NOX4: variants seen among roughly 807,000 people sequenced by gnomAD.
NOX4 encodes the protein kidney oxidase-1.
Under a neutral mutation model 87.6 loss-of-function variants are expected in NOX4, and 69 were observed. That is an observed-to-expected ratio of 0.79 (90% CI 0.65 to 0.96). NOX4 has a LOEUF of 0.96. Ranked by LOEUF, NOX4 falls within the 40% of genes least tolerant of loss-of-function variation. The pLI, the probability that NOX4 is intolerant of heterozygous loss-of-function variation, is 0.00. For missense variants in NOX4, 680 were observed against 681.5 expected (o/e 1.00, Z 0.02); for synonymous variants, 275 against 238.2 (o/e 1.15, Z -1.42).
rs1039648509 is a variant in NOX4 at position 89,324,507 on chromosome 11, T to C, written c.*2249A>G. ...AAGCAAAGATGACCTATGTTTAACA[T>C]TTAACATTTGAACACCTACTGGAAC... is the stretch of plus-strand genomic sequence containing the variant. On this transcript the variant is annotated 3_prime_UTR_variant, in exon 18 of 18. Coordinates refer to ENST00000263317, the MANE Select transcript of NOX4 (RefSeq NM_016931.5). 8 of 152,162 alleles carry C rather than the reference T, an allele frequency of 5.3e-5. No individual in the cohort carries two copies. Among genetic ancestry groups the C allele is most frequent in the African/African-American group, 1.9e-4 (8 of 41,444 alleles). 9.4% of individuals were successfully genotyped at this position (152,162 alleles called of 1,614,324 possible).
intron 4 of NOX4, among the ~76,000 whole-genome samples, 184 bp downstream of exon 4, chr11:89,449,256 G>T (rs1375984391): frequency 6.6e-6 from 1 of 152,112 alleles, no homozygotes; most frequent in Non-Finnish European, 1.5e-5. Context: ...ATCTTACATT[G>T]TTCACCATTA....
chr11:89,469,338 T>C (rs1370411226), intron 2 of NOX4, among the ~76,000 whole-genome samples: 18 of 152,128 alleles, frequency 1.2e-4, no homozygotes, highest in Non-Finnish European at 1.5e-5. Context: ...AGTCAACAAT[T>C]AGGAAAACAA....
chr11:89,514,198 T>C, the NOX4 span, among the ~76,000 whole-genome samples: 2 of 152,060 alleles, frequency 1.3e-5, no homozygotes, highest in Non-Finnish European at 2.9e-5. Context: ...TATGTAGTTT[T>C]AGCTCATGAA....
At chr11:89,443,342 A>G (rs1944539453) in intron 5 of NOX4, 1 of 152,000 alleles carries the variant, frequency 6.6e-6, no homozygotes, top group Non-Finnish European at 1.5e-5. Context: ...AGGAGTGGGG[A>G]AGGTGGGGAA....
chr11:89,336,265 A>C (rs35470292), intron 16 of NOX4, among the ~76,000 whole-genome samples: 2,073 of 152,026 alleles, frequency 0.014, 17 homozygotes, highest in Middle Eastern at 0.037. Context: ...ATTCTGACAA[A>C]TGGCTAATTT....
chr11:89,339,043 A>T (rs1165583136), intron 15 of NOX4, among the ~76,000 whole-genome samples: 1 of 152,166 alleles, frequency 6.6e-6, no homozygotes, highest in African/African-American at 2.4e-5. Context: ...AGATCCTAGA[A>T]TAGTTTCAGA....
At chr11:89,348,889 A>G (rs1946329353) in intron 13 of NOX4, among the ~76,000 whole-genome samples, 1 of 152,190 alleles carries the variant, frequency 6.6e-6, no homozygotes, top group Non-Finnish European at 1.5e-5. Context: ...AAATTAGGGA[A>G]ACAGTACTAC....
the NOX4 span, among the ~76,000 whole-genome samples, chr11:89,588,072 C>A: frequency 6.6e-6 from 1 of 152,040 alleles, no homozygotes; most frequent in African/African-American, 2.4e-5. Context: ...TTGTAATTTT[C>A]TCAGTAGTGA....
intron 11 of NOX4, among the ~76,000 whole-genome samples, chr11:89,397,638 C>T (rs1941578019): frequency 6.6e-6 from 1 of 151,676 alleles, no homozygotes; most frequent in Admixed American, 6.6e-5. Flanking sequence ...GGGATATGAC[C>T]ACTGATCCCA....
At chr11:89,495,507 T>G (rs750542151), upstream of NOX4, among the ~76,000 whole-genome samples, 25 of 152,180 alleles carry the variant, frequency 1.6e-4, no homozygotes, top group Non-Finnish European at 2.6e-4. Flanking sequence ...ATAATATCCC[T>G]ATGCAGGATA....
intron 12 of NOX4, among the ~76,000 whole-genome samples, chr11:89,369,658 G>A (rs1267543586): frequency 6.6e-6 from 1 of 152,004 alleles, no homozygotes; most frequent in Non-Finnish European, 1.5e-5. Context: ...ATGAATATTT[G>A]TTATAAGCTT....
chr11:89,461,488 CA>C (rs1468131704), intron 2 of NOX4, among the ~76,000 whole-genome samples: 9 of 151,382 alleles, frequency 5.9e-5, no homozygotes, highest in Non-Finnish European at 8.8e-5. Flanking sequence ...ACTAAAAATA[CA>C]AAAAAATTGA....
intron 11 of NOX4, among the ~76,000 whole-genome samples, chr11:89,393,989 C>A (rs1233692380): frequency 6.6e-6 from 1 of 152,098 alleles, no homozygotes; most frequent in Non-Finnish European, 1.5e-5. Flanking sequence ...CCTTTTCTTC[C>A]CATCTTTGCC....
intron 8 of NOX4, among the ~76,000 whole-genome samples, chr11:89,406,087 T>C (rs1942165153): frequency 6.6e-6 from 1 of 152,172 alleles, no homozygotes; most frequent in South Asian, 2.1e-4. Context: ...TGCAATAACT[T>C]ACTTTTTCAT....
At chr11:89,438,660 C>T (rs865941212) in intron 6 of NOX4, among the ~76,000 whole-genome samples, 1 of 52,638 alleles carries the variant, frequency 1.9e-5, no homozygotes, top group Non-Finnish European at 2.8e-5. Flanking sequence ...ATAATATATA[C>T]TATATATTAT....
At chr11:89,559,462 T>G in the NOX4 span, among the ~76,000 whole-genome samples, 1 of 152,142 alleles carries the variant, frequency 6.6e-6, no homozygotes, top group Non-Finnish European at 1.5e-5. Context: ...GGTAGCTGAT[T>G]TCTGTATTAT....
At chr11:89,342,365 A>G (rs1946043350) in intron 13 of NOX4, among the ~76,000 whole-genome samples, 172 bp from the exon 14 acceptor site, 1 of 152,178 alleles carries the variant, frequency 6.6e-6, no homozygotes, top group Non-Finnish European at 1.5e-5. Flanking sequence ...TTGCTTATGA[A>G]GTGTCAAGAT....
chr11:89,451,729 G>T, intron 3 of NOX4, 56 bp downstream of exon 3: 1 of 1,171,716 alleles, frequency 8.5e-7, no homozygotes, highest in South Asian at 1.2e-5. Context: ...ACTAACATGC[G>T]ACTGTTACAC....
Position 89,383,387 on chromosome 11 carries a change from C to A in NOX4, c.1075-9895G>T, listed in dbSNP as rs1940442877. 2.0e-5 allele frequency among the ~76,000 whole-genome samples: 3 copies of A among 152,190 alleles called. 1 individual carries two copies. The South Asian group carries it at 6.2e-4, about 31-fold the overall frequency. ...ACTTGCCCAGCAGCTACTCCCAGAG[C>A]CCCTGGAACTCTGGCCCAAGGCCCT... On this transcript the variant is annotated intron_variant, in intron 11 of 17. Transcript: ENST00000263317.
Sources: allele counts gnomAD v4.1 joint callset (sites outside exome capture counted in the v4.1 genomes callset), GRCh38; gene constraint gnomAD v4.1.1; transcripts MANE v1.5; gene names NCBI Gene and HGNC (gene_info 2026-07-23, HGNC 2026-07-21).